Variants in SCAPER observed in about 807,000 individuals in gnomAD.
The protein encoded by SCAPER is S phase cyclin A-associated protein in the endoplasmic reticulum.
A neutral mutation model predicts 182.2 loss-of-function variants in SCAPER; 98 were observed. The ratio of observed to expected loss-of-function variants is 0.54; its 90% CI spans 0.46 to 0.64. SCAPER has a LOEUF of 0.64. Among genes scored for constraint, SCAPER ranks in the 30% least tolerant of loss-of-function variants. SCAPER has a pLI of 0.00. For synonymous variants in SCAPER, 605 were observed against 564.6 expected (o/e 1.07, Z -1.01); for missense variants, 1,432 against 1,690.0 (o/e 0.85, Z 2.68).
chr15:76,515,837 C>T (rs1179506754), intron 23 of SCAPER, among the ~76,000 whole-genome samples: 2 of 152,154 alleles, frequency 1.3e-5, no homozygotes, highest in African/African-American at 4.8e-5. Context: ...AAGTTACAAT[C>T]AATTTAATTC....
At chr15:76,553,099 C>A (rs2045914923) in intron 23 of SCAPER, among the ~76,000 whole-genome samples, 1 of 152,226 alleles carries the variant, frequency 6.6e-6, no homozygotes, top group Non-Finnish European at 1.5e-5. Flanking sequence ...ACCCCCCACC[C>A]CCTACTGCTA....
At chr15:76,871,486 A>G (rs2072729124) in intron 2 of SCAPER, among the ~76,000 whole-genome samples, 1 of 151,862 alleles carries the variant, frequency 6.6e-6, no homozygotes, top group South Asian at 2.1e-4. Flanking sequence ...CACCTGGGGA[A>G]TAAGGGCAAG....
chr15:76,401,993 G>A (rs1375222461), intron 27 of SCAPER, among the ~76,000 whole-genome samples: 3 of 152,132 alleles, frequency 2.0e-5, no homozygotes, highest in Non-Finnish European at 4.4e-5. Flanking sequence ...CAGGAGTGGT[G>A]GCCTGTGCCT....
Position 76,841,826 on chromosome 15 carries a change from G to C in SCAPER, c.301C>G (p.Arg101Gly). ...RHPRKIDLRARYWAFLFDNLR... is the reference protein window; with the variant it reads ...RHPRKIDLRAGYWAFLFDNLR... ...TTATCAAAAAGAAATGCCCAGTATCGAGCTCTTAGATCAATTTTCCGAGGG... is the reference window on the plus strand; with the variant it reads ...TTATCAAAAAGAAATGCCCAGTATCCAGCTCTTAGATCAATTTTCCGAGGG... Residue 101 changes from arginine to glycine, a missense_variant, in exon 5 of 32, where the codon CGA (arginine) becomes GGA (glycine). Arg to Gly is a moderately radical substitution (Grantham distance 125, BLOSUM62 -2). Transcript: ENST00000563290. 1 of 1,613,816 alleles carries C rather than the reference G, an allele frequency of 6.2e-7. No homozygotes were observed.
In SCAPER at chr15:76,743,182, C is replaced by T. The variant is rs1161640693; in HGVS notation, c.1867-9798G>A. On this transcript the variant is annotated intron_variant, in intron 15 of 31. Transcript: ENST00000563290. The stretch of plus-strand genomic sequence containing the variant: ...TTTATCTAACTCAAGAGACTTCGGT[C>T]GTCACTATGATAATAAAAATACTTT... Among the ~76,000 whole-genome samples the T allele has an allele frequency of 3.3e-5, 5 of 152,014 alleles. No homozygotes were observed. In the South Asian group the frequency reaches 6.2e-4, roughly 19 times the overall value.
rs2055194245 is a variant in SCAPER, at chr15:76,652,355, CACACACACACACACACAT to C, written c.2645+13280_2645+13297del. The stretch of plus-strand genomic sequence containing the variant: ...ACATACACATATATACACACACACA[CACACACACACACACACAT>C]ATATATATATATATATATATATATA... On this transcript the variant is annotated intron_variant, in intron 21 of 31. Coordinates refer to ENST00000563290, the MANE Select transcript of SCAPER (RefSeq NM_020843.4). 9.5e-5 allele frequency among the ~76,000 whole-genome samples: 3 copies of C among 31,518 alleles called. 1 individual carries two copies. The highest frequency in any genetic ancestry group is 4.7e-4 in the African/African-American group (3 of 6,356). 20.7% of individuals were successfully genotyped at this position (31,518 alleles called of 152,430 possible). A position where few individuals can be genotyped will look rare whatever the true frequency, so the allele number is the denominator to read the frequency against.
chr15:76,779,070 C>G (rs928676526), intron 8 of SCAPER, among the ~76,000 whole-genome samples: 1 of 151,800 alleles, frequency 6.6e-6, no homozygotes, highest in Non-Finnish European at 1.5e-5. Context: ...GGATACATTC[C>G]TAAATGTACA....
At chr15:76,714,285 A>C (rs1184937024) in intron 17 of SCAPER, among the ~76,000 whole-genome samples, 1 of 152,216 alleles carries the variant, frequency 6.6e-6, no homozygotes, top group Non-Finnish European at 1.5e-5. Flanking sequence ...GTGAAAACTC[A>C]TCAAATTGTA....
intron 5 of SCAPER, among the ~76,000 whole-genome samples, chr15:76,805,670 C>T (rs1028145535): frequency 2.7e-5 from 4 of 149,290 alleles, no homozygotes; most frequent in South Asian, 2.1e-4. Context: ...CAGGTTCAAA[C>T]GATTCTCCTG....
chr15:76,683,242 C>T (rs190640094), intron 20 of SCAPER, among the ~76,000 whole-genome samples: 83 of 152,138 alleles, frequency 5.5e-4, no homozygotes, highest in Non-Finnish European at 1.1e-3. Flanking sequence ...AAACTCACTT[C>T]GAGAATCTCA....
chr15:76,549,559 G>A (rs892544489), intron 23 of SCAPER, among the ~76,000 whole-genome samples: 1 of 152,096 alleles, frequency 6.6e-6, no homozygotes, highest in African/African-American at 2.4e-5. Flanking sequence ...AGAACACATG[G>A]ACACAGGAAG....
chr15:76,756,577 T>TA (rs575066960), intron 14 of SCAPER, among the ~76,000 whole-genome samples: 56 of 147,580 alleles, frequency 3.8e-4, no homozygotes, highest in African/African-American at 4.5e-4. Context: ...TCCCTGACTC[T>TA]AAAAAAAAAA....
At chr15:76,661,224 C>T (rs2056128095) in intron 21 of SCAPER, among the ~76,000 whole-genome samples, 1 of 151,998 alleles carries the variant, frequency 6.6e-6, no homozygotes, top group Admixed American at 6.6e-5. Flanking sequence ...ACCATAAAAA[C>T]CCTAGAAGAA....
At chr15:76,712,210 C>T (rs1468089660) in intron 17 of SCAPER, among the ~76,000 whole-genome samples, 1 of 152,158 alleles carries the variant, frequency 6.6e-6, no homozygotes, top group East Asian at 1.9e-4. Flanking sequence ...TTCCCCATTG[C>T]TTCTTTTTCT....
intron 23 of SCAPER, among the ~76,000 whole-genome samples, chr15:76,507,919 A>G (rs157760): frequency 0.12 from 18,323 of 152,200 alleles, 1,519 homozygotes; most frequent in African/African-American, 0.24. Context: ...TTAGAATAAT[A>G]AGCTCTGTAT....
chr15:76,349,604 G>C (rs2040400311), intron 31 of SCAPER: 1 of 151,750 alleles, frequency 6.6e-6, no homozygotes. Flanking sequence ...ACTTAATCTA[G>C]GCAAAAGGGG....
intron 20 of SCAPER, among the ~76,000 whole-genome samples, chr15:76,700,103 A>T (rs1415120254): frequency 6.6e-6 from 1 of 152,208 alleles, no homozygotes; most frequent in Non-Finnish European, 1.5e-5. Flanking sequence ...CACTGCAAGA[A>T]GGCATGGCCA....
intron 4 of SCAPER, among the ~76,000 whole-genome samples, chr15:76,853,750 C>G (rs767220296): frequency 4.5e-4 from 68 of 152,324 alleles, no homozygotes; most frequent in Admixed American, 1.1e-3. Context: ...CCCCTGAAAA[C>G]TGGCATAAGA....
At chr15:76,827,035 G>A (rs565041753) in intron 5 of SCAPER, among the ~76,000 whole-genome samples, 2 of 151,882 alleles carry the variant, frequency 1.3e-5, no homozygotes, top group African/African-American at 2.4e-5. Flanking sequence ...CTGACAAAGC[G>A]AAGTTGTAAT....
Sources: allele counts gnomAD v4.1 joint callset (sites outside exome capture counted in the v4.1 genomes callset), GRCh38; gene constraint gnomAD v4.1.1; transcripts MANE v1.5; gene names NCBI Gene and HGNC (gene_info 2026-07-23, HGNC 2026-07-21).